The following PATL2 variants were observed in gnomAD, a reference collection of about 807,000 sequenced individuals.
PATL2 encodes PAT1 homolog 2, also known as protein PAT1 homolog 2.
In PATL2, 73 loss-of-function variants were observed where a neutral mutation model predicts 77.0. The observed-to-expected ratio is 0.95, with a 90% confidence interval of 0.78 to 1.15. PATL2 has a LOEUF of 1.15. Among genes scored for constraint, PATL2 ranks in the 50% most tolerant of loss-of-function variants. PATL2 has a pLI of 0.00. For synonymous variants in PATL2, 265 were observed against 257.1 expected (o/e 1.03, Z -0.29); for missense variants, 618 against 655.4 (o/e 0.94, Z 0.62).
chr15:44,671,924 C>T (rs2085700880), intron 9 of PATL2, 91 bp downstream of exon 9: 2 of 1,466,432 alleles, frequency 1.4e-6, no homozygotes, highest in East Asian at 2.5e-5. Context: ...GACATGACCT[C>T]TATGAGCCGA....
chr15:44,683,116 G>A (rs975848175), intron 3 of PATL2, among the ~76,000 whole-genome samples: 1 of 152,172 alleles, frequency 6.6e-6, no homozygotes, highest in African/African-American at 2.4e-5. Context: ...ATTCCCTCAG[G>A]TGCCTATGCC....
At chr15:44,692,628 G>A (rs1408962891) in intron 3 of PATL2, among the ~76,000 whole-genome samples, 1 of 152,236 alleles carries the variant, frequency 6.6e-6, no homozygotes, top group Non-Finnish European at 1.5e-5. Flanking sequence ...AAGAATCCTT[G>A]AACGACTGTG....
intron 3 of PATL2, among the ~76,000 whole-genome samples, chr15:44,693,866 A>AT (rs1280925474): frequency 6.6e-6 from 1 of 151,194 alleles, no homozygotes; most frequent in African/African-American, 2.4e-5. Context: ...TGCCCGGGTA[A>AT]TTTTTTTTGT....
At chr15:44,689,101 A>G (rs906260821) in intron 3 of PATL2, among the ~76,000 whole-genome samples, 1 of 152,244 alleles carries the variant, frequency 6.6e-6, no homozygotes, top group Non-Finnish European at 1.5e-5. Flanking sequence ...GCCAACAAAC[A>G]TATGAAAAAA....
intron 9 of PATL2, 141 bp downstream of exon 9, chr15:44,671,874 C>G: frequency 9.8e-7 from 1 of 1,016,228 alleles, no homozygotes; most frequent in South Asian, 2.0e-5. Flanking sequence ...TTTAGAAATA[C>G]GGCCCCCATC....
chr15:44,683,310 C>A (rs1050826174), intron 3 of PATL2, among the ~76,000 whole-genome samples: 5 of 152,202 alleles, frequency 3.3e-5, no homozygotes, highest in African/African-American at 1.2e-4. Flanking sequence ...ATCCCACCCC[C>A]ACAGAGCCCA....
intron 4 of PATL2, 80 bp downstream of exon 4, chr15:44,676,395 C>A (rs1340197221): frequency 4.8e-6 from 6 of 1,251,204 alleles, no homozygotes; most frequent in Non-Finnish European, 6.9e-6. Context: ...CTCTGGACAT[C>A]CAATCCCATA....
chr15:44,687,900 G>A (rs1027779852), intron 3 of PATL2, among the ~76,000 whole-genome samples: 1 of 152,162 alleles, frequency 6.6e-6, no homozygotes, highest in Admixed American at 6.5e-5. Flanking sequence ...GGAAATAAGA[G>A]AGGACACAAA....
At chr15:44,706,150 TG>T (rs966890916) in intron 3 of PATL2, among the ~76,000 whole-genome samples, 1 of 152,234 alleles carries the variant, frequency 6.6e-6, no homozygotes, top group Non-Finnish European at 1.5e-5. Flanking sequence ...TCTGTTTCTC[TG>T]GGATTGGCCT....
chr15:44,666,271 A>G, intron 17 of PATL2, 121 bp downstream of exon 17: 1 of 1,327,918 alleles, frequency 7.5e-7, no homozygotes. Context: ...GTGTAGAACC[A>G]CTTCTAAAAA....
chr15:44,671,017 C>A (rs1010982698), intron 9 of PATL2, among the ~76,000 whole-genome samples: 7 of 152,338 alleles, frequency 4.6e-5, no homozygotes, highest in African/African-American at 1.7e-4. Context: ...GAAAAAGGCT[C>A]TTTTGTTTAG....
intron 8 of PATL2, 61 bp from the exon 9 acceptor site, chr15:44,672,217 T>G: frequency 1.8e-5 from 28 of 1,550,714 alleles, no homozygotes; most frequent in Non-Finnish European, 2.4e-5. Context: ...CTAAGGAGTG[T>G]GGTGAGCAGG....
rs2085343021 is a variant in PATL2 at position 44,665,878 on chromosome 15, C to T, written c.*75G>A. 1.9e-6 allele frequency: 3 copies of T among 1,549,974 alleles called. No homozygotes were observed. The highest frequency in any genetic ancestry group is 1.2e-5 in the South Asian group (1 of 83,984). ...AGAAATGTCTTCAGACTCTCTGGAT[C>T]CCTGTAAACATAGTCTATGTAGCTA... On this transcript the variant is annotated 3_prime_UTR_variant, in exon 18 of 18. Transcript: ENST00000682850.
At chr15:44,706,339 G>A (rs1289721789) in intron 3 of PATL2, among the ~76,000 whole-genome samples, 1 of 152,194 alleles carries the variant, frequency 6.6e-6, no homozygotes, top group Non-Finnish European at 1.5e-5. Context: ...TGTGATCTAA[G>A]TTTTTGGTCA....
chr15:44,688,430 G>A (rs2086312052), intron 3 of PATL2, among the ~76,000 whole-genome samples: 1 of 151,924 alleles, frequency 6.6e-6, no homozygotes, highest in African/African-American at 2.4e-5. Context: ...AAACAAAGCT[G>A]GAGGCACCAT....
chr15:44,707,787 A>ACAGCAC (rs1939750289), intron 3 of PATL2, among the ~76,000 whole-genome samples: 2 of 152,280 alleles, frequency 1.3e-5, no homozygotes, highest in East Asian at 3.9e-4. Flanking sequence ...TGAGCCCAGC[A>ACAGCAC]CAGCACCAGG....
intron 3 of PATL2, chr15:44,676,913 G>A (rs1401060027): frequency 9.7e-7 from 1 of 1,029,152 alleles, no homozygotes; most frequent in African/African-American, 1.7e-5. Context: ...ATAGCAGCCT[G>A]GGCCAGGACC....
At chr15:44,698,130 G>GGT (rs2086550923) in intron 3 of PATL2, among the ~76,000 whole-genome samples, 1 of 148,936 alleles carries the variant, frequency 6.7e-6, no homozygotes, top group Non-Finnish European at 1.5e-5. Context: ...GTACATAATG[G>GGT]GTGTGTGTGT....
chr15:44,709,597 C>G lies in PATL2; in HGVS notation c.-76+499G>C, dbSNP rs993473656. On this transcript the variant is annotated intron_variant, in intron 3 of 17. Coordinates refer to ENST00000682850, the MANE Select transcript of PATL2 (RefSeq NM_001387263.1). ...AATTTGCCATCCTAGGCAAACAGTG[C>G]TCTTGTTTTTAAACAAATAGTTGTA... Among the ~76,000 whole-genome samples, 5 of 152,290 alleles carry G rather than the reference C, an allele frequency of 3.3e-5. No homozygotes were observed. The East Asian group carries it at 9.6e-4, about 29-fold the overall frequency.
Sources: gnomAD v4.1 joint callset for allele counts (sites outside exome capture counted in the v4.1 genomes callset) on GRCh38, gnomAD v4.1.1 for gene constraint, MANE v1.5 for transcripts, NCBI Gene and HGNC (gene_info 2026-07-23, HGNC 2026-07-21) for gene names.